Variants in EHD2 observed in about 807,000 individuals in gnomAD.
EHD2 encodes the protein EH domain-containing protein 2.
EHD2 carries 27 observed loss-of-function variants against 41.0 expected under a neutral mutation model. The observed-to-expected ratio is 0.66, with a 90% confidence interval of 0.49 to 0.91. EHD2 has a LOEUF of 0.91. EHD2 is among the 40% of genes least tolerant of loss of function. The probability of loss-of-function intolerance (pLI) is 0.00; values close to 1 mark genes in which losing one functional copy is unlikely to be tolerated. For synonymous variants in EHD2, 342 were observed against 341.0 expected (o/e 1.00, Z -0.03); for missense variants, 673 against 773.9 (o/e 0.87, Z 1.55).
intron 4 of EHD2, among the ~76,000 whole-genome samples, chr19:47,733,645 C>T (rs139868009): frequency 0.019 from 2,767 of 148,372 alleles, 37 homozygotes; most frequent in Middle Eastern, 0.035. Context: ...CCAGCCTGGG[C>T]GGCAGAGTGA....
chr19:47,721,340 A>AT (rs1973694603), intron 3 of EHD2, among the ~76,000 whole-genome samples: 3 of 150,248 alleles, frequency 2.0e-5, no homozygotes, highest in African/African-American at 7.3e-5. Context: ...TTTGAGATGG[A>AT]GTCTTACTCT....
intron 3 of EHD2, among the ~76,000 whole-genome samples, chr19:47,723,104 G>C (rs1236927970): frequency 1.3e-5 from 2 of 152,200 alleles, no homozygotes; most frequent in Admixed American, 6.5e-5. Context: ...GGTTGGGTCA[G>C]GCACTGGCCC....
At chr19:47,721,918 G>A (rs1295796249) in intron 3 of EHD2, among the ~76,000 whole-genome samples, 2 of 151,772 alleles carry the variant, frequency 1.3e-5, no homozygotes, top group Non-Finnish European at 2.9e-5. Flanking sequence ...CCAGGAGGTG[G>A]AGGTTGCAGT....
rs879925800 is a variant in EHD2 at position 47,719,944 on chromosome 19, A to ATGTGTG, written c.502+1339_502+1340insGTGTGT. 5.3e-3 allele frequency among the ~76,000 whole-genome samples: 596 copies of ATGTGTG among 111,988 alleles called. 3 individuals are homozygous for ATGTGTG. Among genetic ancestry groups the ATGTGTG allele is most frequent in the African/African-American group, 0.012 (241 of 19,398 alleles). The allele number at this position is 111,988 out of a possible 152,430, so 73.5% of individuals were successfully genotyped here. A position where few individuals can be genotyped will look rare whatever the true frequency, so the allele number is the denominator to read the frequency against. ...AGAGAGTGTCCAGCTGTTGGTGTGTATATGTGTGTGTGTGTGTGTGTGTGT... is the reference window on the plus strand; with the variant it reads ...AGAGAGTGTCCAGCTGTTGGTGTGTATGTGTGTATGTGTGTGTGTGTGTGTGTGTGT... On this transcript the variant is annotated intron_variant, in intron 3 of 5. Coordinates refer to ENST00000263277, the MANE Select transcript of EHD2 (RefSeq NM_014601.4). This position sits in a 1 kb window ranked among gnomAD's most constrained non-coding sequence, Gnocchi z 4.1.
intron 5 of EHD2, among the ~76,000 whole-genome samples, chr19:47,739,640 G>A (rs576960384): frequency 2.0e-3 from 301 of 150,252 alleles, no homozygotes; most frequent in South Asian, 0.011. Context: ...AAGAAATAGG[G>A]TTTTGCCATG....
In EHD2 at chr19:47,741,340, G is replaced by A. The variant is rs1464882705; in HGVS notation, c.1540G>A (p.Glu514Lys). ...GTTCGCGCTGGCCAGCCACCTCATC[G>A]AGGCCAAGCTGGAAGGCCACGGGCT... is the stretch of plus-strand genomic sequence containing the variant. The part of the protein sequence containing the change: ...EEFALASHLI[E>K]AKLEGHGLPA... Residue 514 changes from glutamate (E) to lysine (K), a missense_variant, in exon 6 of 6, where the codon GAG (glutamate) becomes AAG (lysine). Coordinates refer to ENST00000263277, the MANE Select transcript of EHD2 (RefSeq NM_014601.4). This position sits in a 1 kb window ranked among gnomAD's most constrained non-coding sequence, Gnocchi z 4.5. The A allele has an allele frequency of 1.9e-6, 3 of 1,612,054 alleles. No homozygotes were observed. The highest frequency in any genetic ancestry group is 2.5e-6 in the Non-Finnish European group (3 of 1,179,784).
At chr19:47,734,441 A>G (rs529965084) in intron 4 of EHD2, among the ~76,000 whole-genome samples, 2 of 152,184 alleles carry the variant, frequency 1.3e-5, no homozygotes, top group Admixed American at 1.3e-4. Context: ...AGGAGGAAGA[A>G]TCAAATATCA....
rs540069618 is a variant in EHD2 at position 47,718,429 on chromosome 19, G to A, written c.405-80G>A. The stretch of plus-strand genomic sequence containing the variant: ...AAAGGATGCTTTGCCATGCGGTCCC[G>A]AGTCCCTCTTCATGTTTTCTTCGTG... On this transcript the variant is annotated intron_variant, in intron 2 of 5. Transcript: ENST00000263277. 335 of 1,278,592 alleles carry A rather than the reference G, an allele frequency of 2.6e-4. 2 individuals carry two copies. The African/African-American group carries it at 3.8e-3, about 14-fold the overall frequency. 79.2% of individuals were successfully genotyped at this position (1,278,592 alleles called of 1,614,324 possible). A position where few individuals can be genotyped will look rare whatever the true frequency, so the allele number is the denominator to read the frequency against.
intron 2 of EHD2, 65 bp downstream of exon 2, chr19:47,717,081 C>G: frequency 6.3e-7 from 1 of 1,588,780 alleles, no homozygotes; most frequent in East Asian, 2.2e-5. Context: ...AGTTTCCGCT[C>G]TTTTCGCCCA....
chr19:47,726,532 TTCC>T (rs973078950), intron 4 of EHD2, among the ~76,000 whole-genome samples: 11 of 127,208 alleles, frequency 8.6e-5, no homozygotes, highest in South Asian at 2.5e-4. Context: ...TCTTCTCTCT[TTCC>T]TCCTCCTCCT....
chr19:47,729,191 G>C (rs751018054), intron 4 of EHD2, among the ~76,000 whole-genome samples: 1 of 152,134 alleles, frequency 6.6e-6, no homozygotes, highest in Non-Finnish European at 1.5e-5. Flanking sequence ...CGGGGTAGCT[G>C]GGGCAGGCAG....
In EHD2 at chr19:47,719,937, G is replaced by GGTGTGT. The variant is rs1369670264; in HGVS notation, c.502+1332_502+1337dup. Among the ~76,000 whole-genome samples the GGTGTGT allele has an allele frequency of 1.0e-5, 1 of 95,772 alleles. No individual in the cohort carries two copies. Among genetic ancestry groups the GGTGTGT allele is most frequent in the Non-Finnish European group, 2.1e-5 (1 of 47,846 alleles). The allele number at this position is 95,772 out of a possible 152,430, so 62.8% of individuals were successfully genotyped here. ...GAGGAGGAGAGAGTGTCCAGCTGTT[G>GGTGTGT]GTGTGTATATGTGTGTGTGTGTGTG... On this transcript the variant is annotated intron_variant, in intron 3 of 5. Transcript: ENST00000263277. The surrounding 1 kb of genome is among the most constrained non-coding windows in gnomAD (Gnocchi z 4.1).
In EHD2 at chr19:47,726,122, C is replaced by A; in HGVS notation, c.813C>A (p.Phe271Leu). Residue 271 changes from phenylalanine to leucine, a missense_variant, in exon 4 of 6, where the codon TTC becomes TTA. Transcript: ENST00000263277. ...TCGTGCCCGACAACCGGCGCCTCTT[C>A]GAGCTGGAGGAGCAGGACCTCTTCC... ...PLLVPDNRRL[F>L]ELEEQDLFRD... is the part of the protein sequence containing the mutation. The A allele has an allele frequency of 6.3e-7, 1 of 1,577,042 alleles. No individual in the cohort carries two copies. The highest frequency in any genetic ancestry group is 2.3e-5 in the East Asian group (1 of 43,014).
chr19:47,717,676 G>C (rs991268440), intron 2 of EHD2, among the ~76,000 whole-genome samples: 25 of 152,190 alleles, frequency 1.6e-4, no homozygotes, highest in Non-Finnish European at 3.2e-4. Flanking sequence ...GGAGGCCAAG[G>C]CAGGTAGATC....
chr19:47,723,856 A>T (rs1357614834), intron 3 of EHD2, among the ~76,000 whole-genome samples: 1 of 151,116 alleles, frequency 6.6e-6, no homozygotes, highest in African/African-American at 2.4e-5. Context: ...TTTTTATTTT[A>T]TTTTTTTCTG....
rs199512201 is a variant in EHD2 at position 47,741,100 on chromosome 19, G to T, written c.1300G>T (p.Gly434Cys). 4.3e-6 allele frequency: 7 copies of T among 1,610,080 alleles called. No individual in the cohort carries two copies. The highest frequency in any genetic ancestry group is 5.9e-6 in the Non-Finnish European group (7 of 1,179,860). ...GGGACCTGACGAGGCCATGGAGGAC[G>T]GCGAGGAGGGCTCGGACGACGAGGC... Reference protein sequence around the residue: ...ERGPDEAMEDGEEGSDDEAEW... With the variant: ...ERGPDEAMEDCEEGSDDEAEW... Residue 434 changes from glycine to cysteine, a missense_variant, in exon 6 of 6, where the codon GGC becomes TGC. Gly to Cys is a radical substitution (Grantham distance 159, BLOSUM62 -3). Transcript: ENST00000263277. The surrounding 1 kb of genome is among the most constrained non-coding windows in gnomAD (Gnocchi z 4.5).
Position 47,741,976 on chromosome 19 carries a change from A to G in EHD2, c.*544A>G. The G allele has an allele frequency of 2.2e-6, 1 of 455,890 alleles. No homozygotes were observed. Among genetic ancestry groups the G allele is most frequent in the Non-Finnish European group, 4.4e-6 (1 of 226,798 alleles). 28.2% of individuals were successfully genotyped at this position (455,890 alleles called of 1,614,324 possible). On this transcript the variant is annotated 3_prime_UTR_variant, in exon 6 of 6. Transcript: ENST00000263277. The surrounding 1 kb of genome is among the most constrained non-coding windows in gnomAD (Gnocchi z 4.5). ...CCGCTTCCTCCTGCCCAGCCAGGCA[A>G]CACCCTCAACCGGCTCCATCACATC...
At chr19:47,729,709 A>T (rs1173186433) in intron 4 of EHD2, 1 of 44,494 alleles carries the variant, frequency 2.2e-5, no homozygotes, top group South Asian at 6.2e-4. Flanking sequence ...CCCCCACCCC[A>T]GGAATCCTCC....
chr19:47,734,897 A>C lies in EHD2; in HGVS notation c.916-1472A>C, dbSNP rs536450394. 6.6e-5 allele frequency among the ~76,000 whole-genome samples: 10 copies of C among 151,530 alleles called. No homozygotes were observed. The South Asian group carries it at 1.7e-3, about 25-fold the overall frequency. On this transcript the variant is annotated intron_variant, in intron 4 of 5. Transcript: ENST00000263277. ...GTGAAAGCCAGTCTCTACTAAACAT[A>C]CAAAAATTGACCAGGCATGGTGGCA...
Sources: gnomAD v4.1 joint callset for allele counts (sites outside exome capture counted in the v4.1 genomes callset) on GRCh38, gnomAD v4.1.1 for gene constraint, Gnocchi (gnomAD v3.1) non-coding constraint, MANE v1.5 for transcripts, NCBI Gene and HGNC (gene_info 2026-07-23, HGNC 2026-07-21) for gene names.